Variants in FBXL5 observed in about 807,000 individuals in gnomAD.
The protein encoded by FBXL5 is F-box/LRR-repeat protein 5.
Under a neutral mutation model 78.3 loss-of-function variants are expected in FBXL5, and 26 were observed. The observed-to-expected ratio is 0.33, with a 90% CI of 0.24 to 0.46. The LOEUF (loss-of-function observed/expected upper bound fraction) is 0.46. Ranked by LOEUF, FBXL5 falls within the 20% of genes least tolerant of loss-of-function variation. The probability of loss-of-function intolerance (pLI) is 1.00; values close to 1 mark genes in which losing one functional copy is unlikely to be tolerated. For synonymous variants in FBXL5, 295 were observed against 282.5 expected (o/e 1.04, Z -0.45); for missense variants, 710 against 829.2 (o/e 0.86, Z 1.77).
chr4:15,674,966 ATAAAT>A (rs1459945413), intron 1 of FBXL5, among the ~76,000 whole-genome samples: 2 of 152,110 alleles, frequency 1.3e-5, no homozygotes, highest in African/African-American at 4.8e-5. Context: ...GTTTTTAATG[ATAAAT>A]TAATTTGTCA....
intron 9 of FBXL5, among the ~76,000 whole-genome samples, chr4:15,621,203 T>G (rs1378703506): frequency 6.6e-6 from 1 of 152,114 alleles, no homozygotes; most frequent in Non-Finnish European, 1.5e-5. Context: ...ACCTTATATG[T>G]AGAAAACCCT....
At chr4:15,622,948 C>T (rs10008975) in intron 9 of FBXL5, among the ~76,000 whole-genome samples, 96,142 of 152,026 alleles carry the variant, frequency 0.63, 30,524 homozygotes, top group Non-Finnish European at 0.65. Context: ...ATAAGTGCAA[C>T]TTATTTCCAA....
At chr4:15,670,514 A>G (rs572502125) in intron 1 of FBXL5, among the ~76,000 whole-genome samples, 25 of 152,256 alleles carry the variant, frequency 1.6e-4, no homozygotes, top group Admixed American at 7.2e-4. Flanking sequence ...TGTGTGCCTT[A>G]TAAGAGGCAT....
intron 9 of FBXL5, among the ~76,000 whole-genome samples, chr4:15,613,952 C>A (rs1391718528): frequency 4.0e-5 from 6 of 151,542 alleles, no homozygotes; most frequent in African/African-American, 7.3e-5. Flanking sequence ...TGAGAGATTT[C>A]TTCTTCATTT....
chr4:15,617,545 CA>C lies in FBXL5; in HGVS notation c.1851-5132del, dbSNP rs34036474. On this transcript the variant is annotated intron_variant, in intron 9 of 10. Transcript: ENST00000341285. The stretch of plus-strand genomic sequence containing the variant: ...CCCAACAGAGTGAGACTCCATGTCT[CA>C]AAAAAAAAAAAAAAAAGAAAGAAAA... Among the ~76,000 whole-genome samples the C allele has an allele frequency of 1.4e-3, 162 of 114,274 alleles. 2 individuals carry two copies. The highest frequency in any genetic ancestry group is 3.0e-3 in the African/African-American group (87 of 29,026). The allele number at this position is 114,274 out of a possible 152,430, so 75.0% of individuals were successfully genotyped here.
chr4:15,617,194 A>G (rs1254781066), intron 9 of FBXL5, among the ~76,000 whole-genome samples: 1 of 152,262 alleles, frequency 6.6e-6, no homozygotes, highest in Non-Finnish European at 1.5e-5. Context: ...TATTCACAAT[A>G]GCAAAGACAT....
At chr4:15,636,139 T>C (rs184816636) in intron 5 of FBXL5, among the ~76,000 whole-genome samples, 22 of 152,278 alleles carry the variant, frequency 1.4e-4, no homozygotes, top group Admixed American at 1.4e-3. Flanking sequence ...GAAAGCTTAC[T>C]AATTGAATTT....
At chr4:15,626,115 G>C in intron 8 of FBXL5, 138 bp from the exon 9 acceptor site, 1 of 810,988 alleles carries the variant, frequency 1.2e-6, no homozygotes, top group Non-Finnish European at 1.8e-6. Flanking sequence ...ATTATCTATT[G>C]TTAAGGTACT....
At chr4:15,619,805 G>A (rs1712296556) in intron 9 of FBXL5, among the ~76,000 whole-genome samples, 1 of 152,142 alleles carries the variant, frequency 6.6e-6, no homozygotes, top group African/African-American at 2.4e-5. Flanking sequence ...CAACAAGTAA[G>A]ACCCAGTTCC....
At position 15,638,585 on chromosome 4, in the gene FBXL5, C is replaced by G. The variant is rs1011991375; in HGVS notation, c.506G>C (p.Arg169Thr). 7 of 1,613,614 alleles carry G rather than the reference C, an allele frequency of 4.3e-6. No homozygotes were observed. The highest frequency in any genetic ancestry group is 5.1e-6 in the Non-Finnish European group (6 of 1,179,832). The change falls in exon 4 of 11, where the codon AGA becomes ACA. Residue 169 changes from arginine to threonine, a missense_variant. Transcript: ENST00000341285. Reference sequence around the variant, plus strand: ...AGCATGATTCCATAGGCTAAGACCTCTAAGGAGTTCTGCAGTATCCTTCTG... The same window carrying G: ...AGCATGATTCCATAGGCTAAGACCTGTAAGGAGTTCTGCAGTATCCTTCTG... Reference protein sequence around the residue: ...CSQKDTAELLRGLSLWNHAEE... With the variant: ...CSQKDTAELLTGLSLWNHAEE...
At chr4:15,620,332 T>A (rs1217299642) in intron 9 of FBXL5, among the ~76,000 whole-genome samples, 1 of 152,126 alleles carries the variant, frequency 6.6e-6, no homozygotes, top group Admixed American at 6.5e-5. Flanking sequence ...GTTAAAAGAC[T>A]TAATACTGTT....
intron 9 of FBXL5, among the ~76,000 whole-genome samples, chr4:15,620,766 A>G (rs1355178802): frequency 6.6e-6 from 1 of 152,254 alleles, no homozygotes; most frequent in East Asian, 1.9e-4. Flanking sequence ...TACGGGAATG[A>G]GGGCAAAGAA....
intron 1 of FBXL5, among the ~76,000 whole-genome samples, chr4:15,677,824 T>C (rs776620160): frequency 4.0e-4 from 61 of 152,316 alleles, no homozygotes; most frequent in Non-Finnish European, 8.1e-4. Context: ...GAGTAGGTCA[T>C]GGGAATGCCC....
In FBXL5 at chr4:15,655,333, TC is replaced by T; in HGVS notation, c.-47del. ...CCTCAGCAGCCGCGGCCGCCGCCTC[TC>T]CATAGACACCCTCGCCGCGGGGCAG... On this transcript the variant is annotated 5_prime_UTR_variant, in exon 1 of 11. An upstream open reading frame in the 5' UTR gains an earlier in-frame stop. Transcript: ENST00000341285. 2 of 1,332,122 alleles carry T rather than the reference TC, an allele frequency of 1.5e-6. No homozygotes were observed. Among genetic ancestry groups the T allele is most frequent in the Non-Finnish European group, 2.0e-6 (2 of 1,012,680 alleles). 82.5% of individuals were successfully genotyped at this position (1,332,122 alleles called of 1,614,324 possible). A position where few individuals can be genotyped will look rare whatever the true frequency, so the allele number is the denominator to read the frequency against.
At chr4:15,612,209 C>A (rs1448242127) in intron 10 of FBXL5, 57 bp downstream of exon 10, 3 of 1,370,236 alleles carry the variant, frequency 2.2e-6, no homozygotes, top group Non-Finnish European at 2.9e-6. Context: ...ATTAGAACTG[C>A]TAAAAAAAAT....
At chr4:15,655,366 C>T (rs1042788040), upstream of FBXL5, 88 of 1,152,426 alleles carry the variant, frequency 7.6e-5, no homozygotes, top group African/African-American at 3.9e-4. Flanking sequence ...GCAGAGGCGG[C>T]GCGCCCCCTT....
At chr4:15,612,204 A>G (rs1476299467) in intron 10 of FBXL5, 62 bp downstream of exon 10, 1 of 1,317,622 alleles carries the variant, frequency 7.6e-7, no homozygotes, top group Non-Finnish European at 1.0e-6. Flanking sequence ...AAATTATTAG[A>G]ACTGCTAAAA....
intron 2 of FBXL5, among the ~76,000 whole-genome samples, 160 bp from the exon 3 acceptor site, chr4:15,641,043 A>G (rs1714818556): frequency 6.6e-6 from 1 of 152,182 alleles, no homozygotes; most frequent in African/African-American, 2.4e-5. Flanking sequence ...TACCCATAAA[A>G]CAGTAAGCTT....
intron 1 of FBXL5, among the ~76,000 whole-genome samples, chr4:15,651,514 A>G (rs992402334): frequency 2.0e-5 from 3 of 152,186 alleles, no homozygotes; most frequent in East Asian, 1.9e-4. Flanking sequence ...TCTCAATTCA[A>G]TATTTTCTCC....
Sources: gnomAD v4.1 joint callset for allele counts (sites outside exome capture counted in the v4.1 genomes callset) on GRCh38, gnomAD v4.1.1 for gene constraint, MANE v1.5 for transcripts, NCBI Gene and HGNC (gene_info 2026-07-23, HGNC 2026-07-21) for gene names.